Variants in TENT5D observed in about 807,000 individuals in gnomAD.
TENT5D encodes terminal nucleotidyltransferase 5D, also known as cancer/testis antigen 112.
For synonymous variants in TENT5D, 103 were observed against 100.6 expected (o/e 1.02, Z -0.15); for missense variants, 191 against 287.0 (o/e 0.67, Z 2.42).
At chrX:80,370,736 G>GT (rs771850053) in intron 3 of TENT5D, among the ~76,000 whole-genome samples, 1,470 of 109,293 alleles carry the variant, frequency 0.013, 26 homozygotes, top group African/African-American at 0.045. Context: ...TATCTCATTG[G>GT]TTTTTTTTTA....
At chrX:80,385,907 A>G (rs1298072851) in intron 3 of TENT5D, among the ~76,000 whole-genome samples, 2 of 112,369 alleles carry the variant, frequency 1.8e-5, no homozygotes, top group Non-Finnish European at 3.8e-5. Context: ...GGTGATCATT[A>G]AAAAGTCAGG....
chrX:80,408,012 A>T, intron 3 of TENT5D, among the ~76,000 whole-genome samples: 1 of 110,488 alleles, frequency 9.1e-6, no homozygotes, highest in Non-Finnish European at 1.9e-5. Flanking sequence ...CTGGATACAT[A>T]ACGAAATGAA....
chrX:80,413,536 T>C (rs1427866997), intron 3 of TENT5D, among the ~76,000 whole-genome samples: 2 of 111,703 alleles, frequency 1.8e-5, no homozygotes, highest in Admixed American at 1.9e-4. Flanking sequence ...GGTAATTGAA[T>C]CATGGGGGCT....
At chrX:80,384,154 A>T (rs1218442386) in intron 3 of TENT5D, among the ~76,000 whole-genome samples, 2 of 103,598 alleles carry the variant, frequency 1.9e-5, no homozygotes, top group Non-Finnish European at 3.9e-5. Context: ...TCCCTGATGA[A>T]CATCGATGCA....
rs1477950275 is a variant in TENT5D, at chrX:80,443,420, C to T, written c.881C>T (p.Thr294Ile). 2 of 1,211,336 alleles carry T rather than the reference C, an allele frequency of 1.7e-6. No homozygotes were observed. The highest frequency in any genetic ancestry group is 3.5e-5 in the South Asian group (2 of 56,983). ...AACCATTTCATAGGTGAAGGAATGA[C>T]CAAGTATGACTACCTTATGACCTTG... The change falls in exon 3 of 3, where the codon ACC becomes ATC. Residue 294 changes from threonine (T) to isoleucine (I), a missense_variant. Physicochemically the swap from Thr to Ile is moderately conservative, Grantham distance 89. Coordinates refer to ENST00000308293, the Ensembl canonical transcript of TENT5D.
chrX:80,398,105 C>T (rs949613790), intron 3 of TENT5D, among the ~76,000 whole-genome samples: 3 of 112,325 alleles, frequency 2.7e-5, no homozygotes, highest in South Asian at 3.7e-4. Flanking sequence ...CGATAATAGT[C>T]GTCCTTGCTG....
chrX:80,339,034 G>T (rs1358545179), intron 2 of TENT5D, among the ~76,000 whole-genome samples: 1 of 111,439 alleles, frequency 9.0e-6, no homozygotes, highest in Non-Finnish European at 1.9e-5. Context: ...AATCTGGCCA[G>T]GTATTATCCT....
At chrX:80,413,559 G>T (rs1268802206) in intron 3 of TENT5D, among the ~76,000 whole-genome samples, 2 of 111,652 alleles carry the variant, frequency 1.8e-5, no homozygotes, top group African/African-American at 6.5e-5. Flanking sequence ...TCTTTCCCAT[G>T]CTATTCTTGT....
intron 3 of TENT5D, among the ~76,000 whole-genome samples, chrX:80,389,203 A>C (rs1291245654): frequency 9.0e-6 from 1 of 111,316 alleles, no homozygotes; most frequent in African/African-American, 3.3e-5. Context: ...TACTGTGATC[A>C]CTCATCTGAT....
intron 3 of TENT5D, among the ~76,000 whole-genome samples, chrX:80,408,776 C>T (rs992238100): frequency 9.0e-6 from 1 of 111,184 alleles, no homozygotes; most frequent in Non-Finnish European, 1.9e-5. Context: ...GATACCAAAG[C>T]CGGGCAGAGA....
chrX:80,400,619 C>T (rs960076744), intron 3 of TENT5D, among the ~76,000 whole-genome samples: 1 of 112,090 alleles, frequency 8.9e-6, no homozygotes, highest in African/African-American at 3.2e-5. Context: ...TCTGTTCCCC[C>T]GAATTCAGCT....
chrX:80,420,046 A>G (rs4826177), upstream of TENT5D, among the ~76,000 whole-genome samples: 13,505 of 111,347 alleles, frequency 0.12, 922 homozygotes, highest in East Asian at 0.48. Context: ...TTTTTTTAAA[A>G]CAAAAACATG....
intron 3 of TENT5D, among the ~76,000 whole-genome samples, chrX:80,372,278 A>G (rs954404984): frequency 9.0e-6 from 1 of 111,477 alleles, no homozygotes; most frequent in African/African-American, 3.3e-5. Flanking sequence ...TGGTAAAGCA[A>G]TTTGCTATAC....
chrX:80,424,685 G>T (rs1481754818), intron 1 of TENT5D, among the ~76,000 whole-genome samples: 1 of 112,432 alleles, frequency 8.9e-6, no homozygotes, highest in Admixed American at 9.4e-5. Context: ...CCTCATTTTT[G>T]TTAAAAACAA....
chrX:80,398,268 G>T (rs141576094), intron 3 of TENT5D, among the ~76,000 whole-genome samples: 3 of 111,730 alleles, frequency 2.7e-5, no homozygotes, highest in Non-Finnish European at 5.6e-5. Context: ...TTGCTGTTGA[G>T]ATATTTGAGT....
intron 3 of TENT5D, among the ~76,000 whole-genome samples, chrX:80,386,946 C>T (rs188628638): frequency 8.9e-6 from 1 of 112,024 alleles, no homozygotes; most frequent in Admixed American, 9.5e-5. Flanking sequence ...CAACCAGCCT[C>T]AGTCATTTGT....
At chrX:80,417,621 G>A, upstream of TENT5D, among the ~76,000 whole-genome samples, 1 of 111,174 alleles carries the variant, frequency 9.0e-6, no homozygotes. Flanking sequence ...ATTTAAGTAT[G>A]CCGAATACAA....
chrX:80,372,404 G>A (rs779300717), intron 3 of TENT5D, among the ~76,000 whole-genome samples: 18 of 111,829 alleles, frequency 1.6e-4, no homozygotes, highest in Admixed American at 2.9e-4. Context: ...TCACAAAAGC[G>A]CATTATCATG....
chrX:80,393,412 G>A (rs1358833029), intron 3 of TENT5D, among the ~76,000 whole-genome samples: 1 of 108,694 alleles, frequency 9.2e-6, no homozygotes, highest in East Asian at 2.9e-4. Flanking sequence ...TTTAAGTTTG[G>A]GTAATTTCCT....
Sources: allele counts gnomAD v4.1 joint callset (sites outside exome capture counted in the v4.1 genomes callset), GRCh38; gene constraint gnomAD v4.1.1; transcripts MANE v1.5; gene names NCBI Gene and HGNC (gene_info 2026-07-23, HGNC 2026-07-21).